Variants in MICAL3 observed in about 807,000 individuals in gnomAD.
MICAL3 encodes the protein [F-actin]-monooxygenase MICAL3.
MICAL3 carries 62 observed loss-of-function variants against 207.4 expected under a neutral mutation model. The observed-to-expected ratio is 0.30, with a 90% CI of 0.24 to 0.37. MICAL3 has a LOEUF of 0.37. Among genes scored for constraint, MICAL3 ranks in the 10% least tolerant of loss-of-function variants. MICAL3 has a pLI of 1.00. For missense variants in MICAL3, 2,368 were observed against 2,635.6 expected, an observed-to-expected ratio of 0.90 and a Z score of 2.22; for synonymous variants, 1,077 against 1,069.3, an observed-to-expected ratio of 1.01 and a Z score of -0.14.
At chr22:17,859,453 A>C (rs1470284908) in intron 19 of MICAL3, among the ~76,000 whole-genome samples, 5 of 152,224 alleles carry the variant, frequency 3.3e-5, no homozygotes, top group Admixed American at 3.3e-4. Flanking sequence ...TGCAGCTGAC[A>C]AAATGCGGGA....
In MICAL3 at chr22:17,984,337, C is replaced by T. The variant is rs554996864; in HGVS notation, c.-75+39944G>A. Among the ~76,000 whole-genome samples, 12 of 152,354 alleles carry T rather than the reference C, an allele frequency of 7.9e-5. No homozygotes were observed. The South Asian group carries it at 1.9e-3, about 24-fold the overall frequency. ...CTGCCAGCCAGGCCAACACTGCGCT[C>T]GACACATACCATACAGTGTTTCACC... is the stretch of plus-strand genomic sequence containing the variant. On this transcript the variant is annotated intron_variant, in intron 1 of 31. Coordinates refer to ENST00000441493, the MANE Select transcript of MICAL3 (RefSeq NM_015241.3).
At chr22:17,792,907 T>C (rs1297302444) in intron 29 of MICAL3, among the ~76,000 whole-genome samples, 1 of 152,236 alleles carries the variant, frequency 6.6e-6, no homozygotes, top group African/African-American at 2.4e-5. Flanking sequence ...GTTCCATGCA[T>C]TGCTTTCGGA....
At chr22:17,883,332 A>G (rs868086866) in intron 16 of MICAL3, among the ~76,000 whole-genome samples, 4 of 152,216 alleles carry the variant, frequency 2.6e-5, no homozygotes, top group Admixed American at 1.3e-4. Context: ...AATGTGCTAT[A>G]TTATCAAAGA....
rs865779721 is a variant in MICAL3, at chr22:17,916,081, C to A, written c.-74-9195G>T. Among the ~76,000 whole-genome samples, 19 of 126,574 alleles carry A rather than the reference C, an allele frequency of 1.5e-4. No homozygotes were observed. In the South Asian group the frequency reaches 1.5e-3, roughly 10 times the overall value. 83.0% of individuals were successfully genotyped at this position (126,574 alleles called of 152,430 possible). ...AAAAAAAAAAAAAAAAAAAAAAAAA[C>A]CCAAAAAGCAACAAAAAACAAAAAC... On this transcript the variant is annotated intron_variant, in intron 1 of 31. Coordinates refer to ENST00000441493, the MANE Select transcript of MICAL3 (RefSeq NM_015241.3).
In MICAL3 at chr22:18,011,742, A is replaced by T. The variant is rs187447973; in HGVS notation, c.-75+12539T>A. Among the ~76,000 whole-genome samples the T allele has an allele frequency of 3.3e-5, 5 of 149,794 alleles. No homozygotes were observed. The East Asian group carries it at 7.8e-4, about 23-fold the overall frequency. On this transcript the variant is annotated intron_variant, in intron 1 of 31. Transcript: ENST00000441493. ...TACTAATTAAATATACAAAAAAAAAATTAGCTGGGTGTGGTGGTGGGTGCC... is the reference window on the plus strand; with the variant it reads ...TACTAATTAAATATACAAAAAAAAATTTAGCTGGGTGTGGTGGTGGGTGCC...
At chr22:18,012,167 G>A (rs1923782657) in intron 1 of MICAL3, among the ~76,000 whole-genome samples, 2 of 152,142 alleles carry the variant, frequency 1.3e-5, no homozygotes, top group Non-Finnish European at 2.9e-5. Context: ...CTTGGGAGAC[G>A]AAGTTTGCAG....
intron 19 of MICAL3, among the ~76,000 whole-genome samples, chr22:17,858,270 G>A (rs1926139160): frequency 6.6e-6 from 1 of 152,216 alleles, no homozygotes; most frequent in Non-Finnish European, 1.5e-5. Flanking sequence ...TCCGGGCGGT[G>A]GTGAGAGGAG....
At chr22:17,936,534 C>T (rs1933538130) in intron 1 of MICAL3, among the ~76,000 whole-genome samples, 2 of 151,118 alleles carry the variant, frequency 1.3e-5, no homozygotes, top group Non-Finnish European at 2.9e-5. Context: ...CGTATCAAAC[C>T]TGCATGTTGT....
At chr22:17,918,280 TA>T (rs146657853) in intron 1 of MICAL3, among the ~76,000 whole-genome samples, 8,145 of 147,916 alleles carry the variant, frequency 0.055, 763 homozygotes, top group African/African-American at 0.19. Flanking sequence ...GACTGTCTCT[TA>T]AAAAAAAAAC....
intron 17 of MICAL3, among the ~76,000 whole-genome samples, chr22:17,868,510 C>T (rs540769595): frequency 1.6e-4 from 25 of 152,242 alleles, no homozygotes; most frequent in African/African-American, 4.6e-4. Flanking sequence ...GTCAGTGAAC[C>T]GCAGAGGCGG....
intron 1 of MICAL3, among the ~76,000 whole-genome samples, chr22:18,016,867 G>A (rs527816886): frequency 4.6e-5 from 7 of 152,138 alleles, no homozygotes; most frequent in African/African-American, 1.7e-4. Flanking sequence ...GTGAACCCGG[G>A]AGGCGGAGCT....
rs528311375 is a variant in MICAL3 at position 17,991,204 on chromosome 22, G to A, written c.-75+33077C>T. On this transcript the variant is annotated intron_variant, in intron 1 of 31. Coordinates refer to ENST00000441493, the MANE Select transcript of MICAL3 (RefSeq NM_015241.3). ...CAGGCCCAGATGACAGGCCTGGGAG[G>A]CTGCAGGCAGAGCCAGGAGCACCTG... 2.6e-5 allele frequency among the ~76,000 whole-genome samples: 4 copies of A among 152,366 alleles called. No homozygotes were observed. The East Asian group carries it at 7.7e-4, about 29-fold the overall frequency.
intron 20 of MICAL3, among the ~76,000 whole-genome samples, chr22:17,836,482 G>C (rs1923381992): frequency 6.6e-6 from 1 of 152,150 alleles, no homozygotes; most frequent in African/African-American, 2.4e-5. Context: ...GAACCCAAGA[G>C]TTCCCAGCCA....
chr22:17,973,093 G>A (rs999964957), intron 1 of MICAL3, among the ~76,000 whole-genome samples: 2 of 152,234 alleles, frequency 1.3e-5, no homozygotes, highest in African/African-American at 4.8e-5. Context: ...ACTTGCTGTG[G>A]GTCTTTACTT....
At chr22:17,850,400 G>GTTTTTTTTTTTTTTT (rs565667574) in intron 19 of MICAL3, among the ~76,000 whole-genome samples, 2 of 74,418 alleles carry the variant, frequency 2.7e-5, no homozygotes, top group Non-Finnish European at 5.1e-5. Flanking sequence ...TTTTGAATTA[G>GTTTTTTTTTTTTTTT]TTTTTTTTTT....
intron 1 of MICAL3, among the ~76,000 whole-genome samples, chr22:17,962,587 G>A (rs1388232414): frequency 6.6e-6 from 1 of 152,208 alleles, no homozygotes; most frequent in Non-Finnish European, 1.5e-5. Context: ...GAAAAAAGGG[G>A]ATGGGTTAGA....
At chr22:17,810,915 C>T (rs1015134894) in intron 27 of MICAL3, 102 bp from the exon 28 acceptor site, 27 of 872,964 alleles carry the variant, frequency 3.1e-5, no homozygotes, top group East Asian at 1.8e-4. Context: ...TCCCCCATGT[C>T]GGAGCTGGTA....
At chr22:17,873,559 G>C (rs544508075) in intron 16 of MICAL3, among the ~76,000 whole-genome samples, 84 of 152,370 alleles carry the variant, frequency 5.5e-4, no homozygotes, top group African/African-American at 2.0e-3. Flanking sequence ...GACTGGGCTG[G>C]GCATGTTGGC....
At chr22:17,956,838 T>C (rs1415047631) in intron 1 of MICAL3, among the ~76,000 whole-genome samples, 1 of 152,260 alleles carries the variant, frequency 6.6e-6, no homozygotes, top group South Asian at 2.1e-4. Context: ...AGACACCAAC[T>C]GGAGAAAGAT....
Sources: gnomAD v4.1 joint callset for allele counts (sites outside exome capture counted in the v4.1 genomes callset) on GRCh38, gnomAD v4.1.1 for gene constraint, MANE v1.5 for transcripts, NCBI Gene and HGNC (gene_info 2026-07-23, HGNC 2026-07-21) for gene names.